Variants in MFAP3L observed in about 807,000 individuals in gnomAD.
The protein encoded by MFAP3L is microfibrillar-associated protein 3-like.
A neutral mutation model predicts 20.0 loss-of-function variants in MFAP3L; 5 were observed. That is an observed-to-expected ratio of 0.25 (90% CI 0.13 to 0.53). The LOEUF (loss-of-function observed/expected upper bound fraction) is 0.53, where lower values mean the gene tolerates loss of function less well. MFAP3L is among the 20% of genes least tolerant of loss of function. The pLI, the probability that MFAP3L is intolerant of heterozygous loss-of-function variation, is 0.96. For synonymous variants in MFAP3L, 219 were observed against 213.0 expected (o/e 1.03, Z -0.25); for missense variants, 409 against 527.5 (o/e 0.78, Z 2.20).
At position 170,005,974 on chromosome 4, in the gene MFAP3L, T is replaced by A; in HGVS notation, c.-97A>T. The A allele has an allele frequency of 1.3e-6, 2 of 1,481,488 alleles. No homozygotes were observed. The highest frequency in any genetic ancestry group is 9.0e-7 in the Non-Finnish European group (1 of 1,116,128). The allele number at this position is 1,481,488 out of a possible 1,614,324, so 91.8% of individuals were successfully genotyped here. A position where few individuals can be genotyped will look rare whatever the true frequency, so the allele number is the denominator to read the frequency against. On this transcript the variant is annotated 5_prime_UTR_variant, in exon 2 of 3. Coordinates refer to ENST00000361618, the MANE Select transcript of MFAP3L (RefSeq NM_021647.8). ...TTCACAGCAGGTCATGGGACAAACC[T>A]GTCCTGGGTCCATAGAGTTGGTACT... is the stretch of plus-strand genomic sequence containing the variant.
At chr4:169,993,620 T>C (rs1366117469) in intron 2 of MFAP3L, 1 of 151,924 alleles carries the variant, frequency 6.6e-6, no homozygotes, top group African/African-American at 2.4e-5. Flanking sequence ...CAAGGAACTT[T>C]CTTAAGGAAG....
intron 2 of MFAP3L, among the ~76,000 whole-genome samples, chr4:170,003,245 G>C (rs1041345566): frequency 7.2e-5 from 11 of 152,142 alleles, no homozygotes; most frequent in African/African-American, 2.4e-4. Context: ...TATCAGCAAG[G>C]CTGCTGGCTA....
At position 169,989,096 on chromosome 4, in the gene MFAP3L, T is replaced by C. The variant is rs1213538130; in HGVS notation, c.*2282A>G. ...CTTTGGGCATATAAACCCATGGTAA[T>C]GAATCTGTGGACCTCCATGACAACT... On this transcript the variant is annotated 3_prime_UTR_variant, in exon 3 of 3. Coordinates refer to ENST00000361618, the MANE Select transcript of MFAP3L (RefSeq NM_021647.8). The C allele has an allele frequency of 6.6e-6, 1 of 152,200 alleles. No individual in the cohort carries two copies. The highest frequency in any genetic ancestry group is 2.4e-5 in the African/African-American group (1 of 41,448). The allele number at this position is 152,200 out of a possible 1,614,324, so 9.4% of individuals were successfully genotyped here.
At chr4:170,002,662 G>T (rs768454448) in intron 2 of MFAP3L, among the ~76,000 whole-genome samples, 1 of 151,486 alleles carries the variant, frequency 6.6e-6, no homozygotes, top group Admixed American at 6.6e-5. Context: ...GATATGCACC[G>T]CCACGCCCAG....
intron 1 of MFAP3L, among the ~76,000 whole-genome samples, chr4:170,014,714 C>T (rs946903439): frequency 1.3e-5 from 2 of 152,140 alleles, no homozygotes; most frequent in Admixed American, 6.5e-5. Flanking sequence ...TTTGCAAACC[C>T]GCAAGGCCTT....
intron 1 of MFAP3L, among the ~76,000 whole-genome samples, chr4:170,025,763 A>G (rs569983875): frequency 1.3e-5 from 2 of 151,848 alleles, no homozygotes; most frequent in East Asian, 3.9e-4. Context: ...GCATCAGGAC[A>G]CGGCGCCCTC....
chr4:170,013,010 G>A (rs1581509910), intron 1 of MFAP3L, among the ~76,000 whole-genome samples: 2 of 152,026 alleles, frequency 1.3e-5, no homozygotes, highest in East Asian at 3.9e-4. Flanking sequence ...AACTGATCTG[G>A]GTTAAATCAC....
At chr4:170,006,263 C>T (rs1739028788) in intron 1 of MFAP3L, among the ~76,000 whole-genome samples, 1 of 152,010 alleles carries the variant, frequency 6.6e-6, no homozygotes, top group Admixed American at 6.5e-5. Flanking sequence ...CAGGCACCCA[C>T]CAACATGTCT....
chr4:170,003,703 C>A, intron 2 of MFAP3L: 10 of 985,452 alleles, frequency 1.0e-5, no homozygotes, highest in Non-Finnish European at 1.1e-5. Context: ...AAGGGAGATC[C>A]AGGTCTTGGG....
intron 1 of MFAP3L, among the ~76,000 whole-genome samples, chr4:170,008,060 G>T (rs1739157166): frequency 1.3e-5 from 2 of 152,298 alleles, no homozygotes; most frequent in Non-Finnish European, 2.9e-5. Flanking sequence ...AAGAGAAGGG[G>T]ATACTGCTGT....
chr4:170,015,334 C>T (rs1739631446), intron 1 of MFAP3L, among the ~76,000 whole-genome samples: 1 of 151,984 alleles, frequency 6.6e-6, no homozygotes, highest in Non-Finnish European at 1.5e-5. Flanking sequence ...AGGAGTAAGA[C>T]TGGGGTTGGA....
intron 1 of MFAP3L, among the ~76,000 whole-genome samples, chr4:170,015,363 G>A (rs1175982774): frequency 6.6e-6 from 1 of 152,176 alleles, no homozygotes; most frequent in Non-Finnish European, 1.5e-5. Context: ...GAAACGGTGA[G>A]GGGTAAAGAG....
chr4:169,989,136 T>C lies in MFAP3L; in HGVS notation c.*2242A>G, dbSNP rs1181315819. 1 of 152,182 alleles carries C rather than the reference T, an allele frequency of 6.6e-6. No homozygotes were observed. Among genetic ancestry groups the C allele is most frequent in the African/African-American group, 2.4e-5 (1 of 41,452 alleles). The allele number at this position is 152,182 out of a possible 1,614,324, so 9.4% of individuals were successfully genotyped here. On this transcript the variant is annotated 3_prime_UTR_variant, in exon 3 of 3. Coordinates refer to ENST00000361618, the MANE Select transcript of MFAP3L (RefSeq NM_021647.8). Reference sequence around the variant, plus strand: ...CCATGACAACTGGAAAATTTTTATATTCTAAGAGGTGGTGTTAAAACTTTT... The same window carrying C: ...CCATGACAACTGGAAAATTTTTATACTCTAAGAGGTGGTGTTAAAACTTTT...
intron 1 of MFAP3L, among the ~76,000 whole-genome samples, chr4:170,023,272 G>A (rs1249051209): frequency 6.6e-6 from 1 of 150,522 alleles, no homozygotes; most frequent in Non-Finnish European, 1.5e-5. Context: ...TCCCTGACTC[G>A]ACTGTGACTT....
At chr4:170,018,775 A>C (rs1739852157) in intron 1 of MFAP3L, among the ~76,000 whole-genome samples, 1 of 152,234 alleles carries the variant, frequency 6.6e-6, no homozygotes, top group Non-Finnish European at 1.5e-5. Flanking sequence ...ACCTTGAAGA[A>C]AAACAAAACG....
In MFAP3L at chr4:169,987,465, G is replaced by A. The variant is rs1737353834; in HGVS notation, c.*3913C>T. On this transcript the variant is annotated 3_prime_UTR_variant, in exon 3 of 3. Transcript: ENST00000361618. Reference sequence around the variant, plus strand: ...ATCTGAAATGTAAGGTAAATGTTCTGTTTTGGTACCAAATGAAACACTGAA... The same window carrying A: ...ATCTGAAATGTAAGGTAAATGTTCTATTTTGGTACCAAATGAAACACTGAA... 1 of 152,160 alleles carries A rather than the reference G, an allele frequency of 6.6e-6. No individual in the cohort carries two copies. Among genetic ancestry groups the A allele is most frequent in the Admixed American group, 6.6e-5 (1 of 15,264 alleles). The allele number at this position is 152,160 out of a possible 1,614,324, so 9.4% of individuals were successfully genotyped here.
At chr4:170,026,607 C>T (rs956993985), upstream of MFAP3L, among the ~76,000 whole-genome samples, 2 of 151,882 alleles carry the variant, frequency 1.3e-5, no homozygotes, top group South Asian at 2.1e-4. Context: ...CTGTAGTTGC[C>T]GGGGAGTCCC....
At chr4:170,001,329 T>A (rs1192932709) in intron 2 of MFAP3L, among the ~76,000 whole-genome samples, 1 of 152,202 alleles carries the variant, frequency 6.6e-6, no homozygotes, top group Non-Finnish European at 1.5e-5. Context: ...GCAAAATTTA[T>A]AATAATGAAT....
At chr4:170,002,221 CAGGACCTAA>C in intron 2 of MFAP3L, 5 of 985,378 alleles carry the variant, frequency 5.1e-6, no homozygotes, top group Non-Finnish European at 6.0e-6. Context: ...TTTTCACCTA[CAGGACCTAA>C]AGGATGATGT....
Sources: allele counts gnomAD v4.1 joint callset (sites outside exome capture counted in the v4.1 genomes callset), GRCh38; gene constraint gnomAD v4.1.1; transcripts MANE v1.5; gene names NCBI Gene and HGNC (gene_info 2026-07-23, HGNC 2026-07-21).